The following PCLO variants were observed in gnomAD, a reference collection of about 807,000 sequenced individuals.
The protein encoded by PCLO is piccolo presynaptic cytomatrix protein.
Under a neutral mutation model 427.5 loss-of-function variants are expected in PCLO, and 82 were observed. The observed-to-expected ratio is 0.19, with a 90% CI of 0.16 to 0.23. The LOEUF (loss-of-function observed/expected upper bound fraction) is 0.23. PCLO is among the 10% of genes least tolerant of loss of function. The pLI is 1.00. For synonymous variants in PCLO, 2,357 were observed against 2,155.4 expected, an observed-to-expected ratio of 1.09 and a Z score of -2.59; for missense variants, 6,239 against 6,115.9, an observed-to-expected ratio of 1.02 and a Z score of -0.67.
At chr7:82,853,576 G>A (rs1379819761) in intron 10 of PCLO, among the ~76,000 whole-genome samples, 1 of 152,076 alleles carries the variant, frequency 6.6e-6, no homozygotes, top group Non-Finnish European at 1.5e-5. Flanking sequence ...TTCAAATAGA[G>A]CTCTGTGTAA....
At chr7:83,107,163 G>A (rs576776419) in intron 3 of PCLO, among the ~76,000 whole-genome samples, 10 of 152,146 alleles carry the variant, frequency 6.6e-5, no homozygotes, top group South Asian at 4.1e-4. Context: ...TGCACCGCCC[G>A]GGTGATAAGC....
intron 3 of PCLO, among the ~76,000 whole-genome samples, chr7:83,050,262 AGTGC>A (rs1789214348): frequency 1.7e-5 from 1 of 60,426 alleles, no homozygotes; most frequent in Non-Finnish European, 2.7e-5. Flanking sequence ...AAAAACTAGA[AGTGC>A]TTTTTAAAAA....
chr7:82,972,453 T>A (rs1417665089), intron 3 of PCLO, among the ~76,000 whole-genome samples: 1 of 152,026 alleles, frequency 6.6e-6, no homozygotes, highest in Non-Finnish European at 1.5e-5. Context: ...CAAAGCATAA[T>A]AGTAAGACTT....
At chr7:82,892,088 T>C (rs543242629) in intron 9 of PCLO, among the ~76,000 whole-genome samples, 1 of 152,162 alleles carries the variant, frequency 6.6e-6, no homozygotes, top group African/African-American at 2.4e-5. Flanking sequence ...TTAAAGTTCA[T>C]ATGGAACCAA....
intron 2 of PCLO, among the ~76,000 whole-genome samples, chr7:83,142,613 T>C (rs1016158333): frequency 6.6e-6 from 1 of 152,052 alleles, no homozygotes; most frequent in Non-Finnish European, 1.5e-5. Flanking sequence ...TATGTAGTGA[T>C]TTACAGTATT....
At position 82,955,812 on chromosome 7, in the gene PCLO, C is replaced by T. The variant is rs1235952844; in HGVS notation, c.5141G>A (p.Gly1714Glu). 2 of 1,613,846 alleles carry T rather than the reference C, an allele frequency of 1.2e-6. No individual in the cohort carries two copies. The highest frequency in any genetic ancestry group is 1.7e-6 in the Non-Finnish European group (2 of 1,179,882). ...AGCATGCAGACTCGAAGATCCCTCT[C>T]CCCTTGACCTATCTTCAGGTGAGTC... is the stretch of plus-strand genomic sequence containing the variant. Reference protein sequence around the residue: ...LTDSPEDRSRGEGSSSLHASS... With the variant: ...LTDSPEDRSREEGSSSLHASS... Residue 1714 changes from glycine to glutamate, a missense_variant, in exon 5 of 25, where the codon GGA becomes GAA. Transcript: ENST00000333891.
At chr7:82,832,321 G>A (rs1489349121) in intron 16 of PCLO, among the ~76,000 whole-genome samples, 1 of 151,762 alleles carries the variant, frequency 6.6e-6, no homozygotes, top group Non-Finnish European at 1.5e-5. Context: ...GTGCAATCTC[G>A]GCTCACTACA....
At chr7:83,060,538 A>C (rs1789517970) in intron 3 of PCLO, among the ~76,000 whole-genome samples, 3 of 151,996 alleles carry the variant, frequency 2.0e-5, no homozygotes, top group African/African-American at 7.3e-5. Flanking sequence ...TGTACCTTCC[A>C]CTACTACATT....
chr7:83,134,691 T>C lies in PCLO; in HGVS notation c.2859A>G (p.Gly953=). 4 of 1,613,736 alleles carry C rather than the reference T, an allele frequency of 2.5e-6. No homozygotes were observed. The highest frequency in any genetic ancestry group is 3.4e-6 in the Non-Finnish European group (4 of 1,179,784). ...CCCCTGGTCCACTTTGTGAATGAGG[T>C]CCAGGTTGGCCTGCAGTGGAAATTA... is the stretch of plus-strand genomic sequence containing the variant. ...SNLISTAGQP[G]PHSQSGPGAP... Residue 953 remains glycine (G), a synonymous_variant, in exon 3 of 25, where the codon GGA becomes GGG. Coordinates refer to ENST00000333891, the MANE Select transcript of PCLO (RefSeq NM_033026.6).
intron 22 of PCLO, among the ~76,000 whole-genome samples, chr7:82,800,528 AC>A (rs1791324080): frequency 6.6e-6 from 1 of 152,178 alleles, no homozygotes. Flanking sequence ...AGAATAAACT[AC>A]TTAGAATAGT....
chr7:83,022,080 T>C (rs544709199), intron 3 of PCLO, among the ~76,000 whole-genome samples: 2 of 152,286 alleles, frequency 1.3e-5, no homozygotes, highest in South Asian at 4.1e-4. Flanking sequence ...GGTAAGGCCT[T>C]TTGTGTAGTA....
chr7:83,153,861 T>G (rs185096752), intron 2 of PCLO, among the ~76,000 whole-genome samples: 10 of 152,028 alleles, frequency 6.6e-5, no homozygotes, highest in Non-Finnish European at 1.5e-4. Flanking sequence ...AATTTCTGAG[T>G]TTTTAAAAAT....
intron 22 of PCLO, among the ~76,000 whole-genome samples, chr7:82,778,150 C>T (rs114949083): frequency 0.016 from 2,472 of 152,024 alleles, 83 homozygotes; most frequent in African/African-American, 0.057. Flanking sequence ...ATGCAGCCAA[C>T]GAGCATATGA....
intron 9 of PCLO, 29 bp downstream of exon 9, chr7:82,902,622 A>G (rs1202873419): frequency 7.6e-7 from 1 of 1,319,158 alleles, no homozygotes. Flanking sequence ...AAAAACAAAA[A>G]AAATATTAGA....
intron 3 of PCLO, among the ~76,000 whole-genome samples, chr7:82,966,992 A>G (rs1211094527): frequency 2.6e-5 from 4 of 152,098 alleles, no homozygotes; most frequent in African/African-American, 9.7e-5. Context: ...TCTACCTTTC[A>G]GAGTAGAGCT....
chr7:82,922,101 G>C (rs1794608959), intron 6 of PCLO, among the ~76,000 whole-genome samples: 1 of 151,898 alleles, frequency 6.6e-6, no homozygotes, highest in Non-Finnish European at 1.5e-5. Context: ...TGTTGACTAG[G>C]TTGTGGAGTA....
At chr7:82,764,212 C>A (rs1181945455) in intron 22 of PCLO, among the ~76,000 whole-genome samples, 1 of 151,760 alleles carries the variant, frequency 6.6e-6, no homozygotes, top group Non-Finnish European at 1.5e-5. Context: ...TAATAGGTAA[C>A]AAAGGATGCC....
intron 3 of PCLO, among the ~76,000 whole-genome samples, chr7:83,078,353 C>G (rs1331296306): frequency 6.6e-6 from 1 of 151,952 alleles, no homozygotes; most frequent in Non-Finnish European, 1.5e-5. Context: ...CCAAAATAGC[C>G]TAAGTCAACC....
intron 3 of PCLO, among the ~76,000 whole-genome samples, chr7:83,118,336 C>A (rs1381599811): frequency 6.6e-6 from 1 of 152,028 alleles, no homozygotes; most frequent in Non-Finnish European, 1.5e-5. Context: ...GCAGGAACAC[C>A]AAATAGAACT....
Sources: allele counts gnomAD v4.1 joint callset (sites outside exome capture counted in the v4.1 genomes callset), GRCh38; gene constraint gnomAD v4.1.1; transcripts MANE v1.5; gene names NCBI Gene and HGNC (gene_info 2026-07-23, HGNC 2026-07-21).